The following DLC1 variants were observed in gnomAD, a reference collection of about 807,000 sequenced individuals.
DLC1 encodes the protein DLC1 Rho GTPase activating protein, also known as rho GTPase-activating protein 7.
DLC1 carries 54 observed loss-of-function variants against 140.3 expected under a neutral mutation model. The observed-to-expected ratio is 0.38, with a 90% CI of 0.31 to 0.48. The LOEUF (loss-of-function observed/expected upper bound fraction) is 0.48, where lower values mean the gene tolerates loss of function less well. Among genes scored for constraint, DLC1 ranks in the 20% least tolerant of loss-of-function variants. DLC1 has a pLI of 0.96. For synonymous variants in DLC1, 986 were observed against 728.1 expected (o/e 1.35, Z -5.70); for missense variants, 2,536 against 1,907.0 (o/e 1.33, Z -6.14).
intron 5 of DLC1, among the ~76,000 whole-genome samples, chr8:13,285,769 C>T (rs1831516586): frequency 1.3e-5 from 2 of 152,144 alleles, no homozygotes; most frequent in South Asian, 4.2e-4. Flanking sequence ...ACGTACCCTA[C>T]CAATGAATTC....
chr8:13,407,722 G>C (rs1230441256), intron 2 of DLC1, among the ~76,000 whole-genome samples: 2 of 152,122 alleles, frequency 1.3e-5, no homozygotes, highest in Admixed American at 6.5e-5. Context: ...CTGACACAAG[G>C]TTCTGGCCCC....
At chr8:13,310,252 A>G (rs542095574) in intron 4 of DLC1, among the ~76,000 whole-genome samples, 110 of 152,340 alleles carry the variant, frequency 7.2e-4, no homozygotes, top group Non-Finnish European at 1.4e-3. Flanking sequence ...AATATTCAAG[A>G]TGTTCACACA....
At chr8:13,489,955 A>G (rs1585195017) in intron 2 of DLC1, among the ~76,000 whole-genome samples, 1 of 152,130 alleles carries the variant, frequency 6.6e-6, no homozygotes, top group African/African-American at 2.4e-5. Context: ...GTTTAATGAG[A>G]TTTTCCATTT....
chr8:13,343,076 A>G (rs1834152804), intron 4 of DLC1, among the ~76,000 whole-genome samples: 1 of 152,056 alleles, frequency 6.6e-6, no homozygotes, highest in Admixed American at 6.6e-5. Context: ...AGAGATACTT[A>G]TTTGCTATAT....
chr8:13,565,422 T>C (rs190591772), intron 1 of DLC1, among the ~76,000 whole-genome samples: 24 of 152,250 alleles, frequency 1.6e-4, no homozygotes, highest in Admixed American at 1.6e-3. Context: ...TTTGAAATAA[T>C]AAATAAGGAA....
In DLC1 at chr8:13,552,821, G is replaced by C. The variant is rs1019797896; in HGVS notation, c.-126+51716C>G. The stretch of plus-strand genomic sequence containing the variant: ...TGTCATATTCTCTTATTAAAAGAAA[G>C]TACAAAGTCTAAGTGAAAGAAAATG... On this transcript the variant is annotated intron_variant, in intron 1 of 1. Coordinates refer to the DLC1 transcript ENST00000631382. Among the ~76,000 whole-genome samples, 32 of 151,624 alleles carry C rather than the reference G, an allele frequency of 2.1e-4. 1 individual carries two copies. The highest frequency in any genetic ancestry group is 1.5e-5 in the Non-Finnish European group (1 of 67,834).
At chr8:13,273,540 A>G (rs1418614833) in intron 5 of DLC1, among the ~76,000 whole-genome samples, 2 of 152,204 alleles carry the variant, frequency 1.3e-5, no homozygotes, top group East Asian at 3.9e-4. Flanking sequence ...TTTTCCTGGC[A>G]ACAATTCTGT....
At chr8:13,540,683 AT>A (rs1373001497) in intron 1 of DLC1, among the ~76,000 whole-genome samples, 3 of 152,206 alleles carry the variant, frequency 2.0e-5, no homozygotes, top group Admixed American at 1.3e-4. Context: ...TATGGCACTA[AT>A]TATTTCTGAG....
intron 2 of DLC1, among the ~76,000 whole-genome samples, chr8:13,408,021 T>A (rs547302747): frequency 1.3e-5 from 2 of 152,368 alleles, no homozygotes; most frequent in African/African-American, 4.8e-5. Context: ...GATTTTCATG[T>A]AAATTGACAG....
intron 2 of DLC1, among the ~76,000 whole-genome samples, chr8:13,420,775 T>A (rs373816087): frequency 1.3e-5 from 2 of 152,196 alleles, no homozygotes; most frequent in East Asian, 1.9e-4. Flanking sequence ...GTGGTGTATA[T>A]GTGCCACATT....
intron 1 of DLC1, among the ~76,000 whole-genome samples, chr8:13,601,431 A>G (rs1390725242): frequency 2.0e-5 from 3 of 151,932 alleles, no homozygotes; most frequent in East Asian, 1.9e-4. Flanking sequence ...TCAGCATGCA[A>G]GCCATAGTTC....
At position 13,305,271 on chromosome 8, in the gene DLC1, GC is replaced by G. The variant is rs779038794; in HGVS notation, c.1345del (p.Ala449LeufsTer55). 14 of 1,608,062 alleles carry G rather than the reference GC, an allele frequency of 8.7e-6. No individual in the cohort carries two copies. Among genetic ancestry groups the G allele is most frequent in the African/African-American group, 2.7e-5 (2 of 74,658 alleles). ...AIQGISEKEK[A>X]EIEAKEACDW... ...ACAGAACCAAAATGTCAACTTACCA[GC>G]CTTTTCCTTCTCTGAAATACCTTGA... On this transcript the variant is annotated frameshift_variant, in exon 5 of 18. Coordinates refer to ENST00000276297, the MANE Select transcript of DLC1 (RefSeq NM_182643.3). LOFTEE classifies it high-confidence loss of function.
intron 5 of DLC1, among the ~76,000 whole-genome samples, chr8:13,189,053 A>G (rs1826589399): frequency 6.6e-6 from 1 of 151,622 alleles, no homozygotes; most frequent in Non-Finnish European, 1.5e-5. Flanking sequence ...AACAATCAAA[A>G]GTCTTTAGTA....
chr8:13,132,982 A>C (rs1283476105), intron 5 of DLC1: 2 of 1,610,958 alleles, frequency 1.2e-6, no homozygotes, highest in Non-Finnish European at 1.7e-6. Context: ...TCTGCACATC[A>C]AGCACGGCAG....
chr8:13,398,919 T>G lies in DLC1; in HGVS notation c.1173+2551A>C, dbSNP rs1400974704. On this transcript the variant is annotated intron_variant, in intron 3 of 17. Transcript: ENST00000276297. ...ACATCTCTCAATGGTCTCAATTTTC[T>G]ATGAGAAGAGGAAGGCAAGAGTGTT... Among the ~76,000 whole-genome samples, 4 of 152,180 alleles carry G rather than the reference T, an allele frequency of 2.6e-5. No individual in the cohort carries two copies. In the South Asian group the frequency reaches 8.3e-4, roughly 32 times the overall value.
chr8:13,260,725 A>G (rs146992028), intron 5 of DLC1, among the ~76,000 whole-genome samples: 2 of 152,306 alleles, frequency 1.3e-5, no homozygotes, highest in African/African-American at 4.8e-5. Context: ...AGTTTCAGCA[A>G]TTAGCAACAT....
At chr8:13,232,849 A>T (rs950027626) in intron 5 of DLC1, among the ~76,000 whole-genome samples, 19 of 152,234 alleles carry the variant, frequency 1.2e-4, no homozygotes, top group African/African-American at 3.9e-4. Flanking sequence ...TTTTCTCATG[A>T]CATTGTTTCT....
At chr8:13,435,350 G>T (rs1839071263) in intron 2 of DLC1, among the ~76,000 whole-genome samples, 1 of 152,128 alleles carries the variant, frequency 6.6e-6, no homozygotes, top group Admixed American at 6.5e-5. Context: ...TTTCACTCTT[G>T]TTGCCCAGGC....
At chr8:13,565,694 GAAGA>G (rs923186571) in intron 1 of DLC1, among the ~76,000 whole-genome samples, 2 of 152,056 alleles carry the variant, frequency 1.3e-5, no homozygotes, top group African/African-American at 4.8e-5. Context: ...AGAAACACAG[GAAGA>G]AAGAGAGAGA....
Sources: allele counts gnomAD v4.1 joint callset (sites outside exome capture counted in the v4.1 genomes callset), GRCh38; gene constraint gnomAD v4.1.1; transcripts MANE v1.5; gene names NCBI Gene and HGNC (gene_info 2026-07-23, HGNC 2026-07-21).